INPP5E: variants seen among roughly 807,000 people sequenced by gnomAD.
INPP5E encodes inositol polyphosphate-5-phosphatase E.
In INPP5E, 34 loss-of-function variants were observed where a neutral mutation model predicts 50.5. The ratio of observed to expected loss-of-function variants is 0.67; its 90% CI spans 0.51 to 0.90. The LOEUF is 0.90. INPP5E is among the 40% of genes least tolerant of loss of function. INPP5E has a pLI of 0.00. For synonymous variants in INPP5E, 447 were observed against 406.0 expected, an observed-to-expected ratio of 1.10 and a Z score of -1.21; for missense variants, 942 against 905.5, an observed-to-expected ratio of 1.04 and a Z score of -0.52.
At chr9:136,435,634 G>A (rs11794124) in intron 1 of INPP5E, 17,084 of 152,226 alleles carry the variant, frequency 0.11, 1,174 homozygotes, top group Admixed American at 0.2. Context: ...GCACAGCAAC[G>A]TCCCTGCCCC....
chr9:136,432,809 G>A (rs761570973), intron 5 of INPP5E, 147 bp downstream of exon 5: 21 of 1,131,472 alleles, frequency 1.9e-5, no homozygotes, highest in East Asian at 5.1e-5. Flanking sequence ...GGTCCTTGGC[G>A]TGCATCTTAG....
rs1024318558 is a variant in INPP5E at position 136,433,381 on chromosome 9, C to G, written c.1035-102G>C. Reference sequence around the variant, plus strand: ...CCCTCGAGGAGCTACCAGGGAAACCCCACGACCTGGCCTTGGTGTCTTGCG... The same window carrying G: ...CCCTCGAGGAGCTACCAGGGAAACCGCACGACCTGGCCTTGGTGTCTTGCG... On this transcript the variant is annotated intron_variant, in intron 3 of 9. Coordinates refer to ENST00000371712, the MANE Select transcript of INPP5E (RefSeq NM_019892.6). 10 of 1,453,192 alleles carry G rather than the reference C, an allele frequency of 6.9e-6. No homozygotes were observed. The Admixed American group carries it at 1.1e-4, about 16-fold the overall frequency. The allele number at this position is 1,453,192 out of a possible 1,614,324, so 90.0% of individuals were successfully genotyped here. A position where few individuals can be genotyped will look rare whatever the true frequency, so the allele number is the denominator to read the frequency against.
Position 136,439,449 on chromosome 9 carries a change from G to C in INPP5E, c.-30C>G. 2.8e-6 allele frequency: 4 copies of C among 1,421,342 alleles called. No individual in the cohort carries two copies. The highest frequency in any genetic ancestry group is 3.7e-6 in the Non-Finnish European group (4 of 1,087,810). The allele number at this position is 1,421,342 out of a possible 1,614,324, so 88.0% of individuals were successfully genotyped here. On this transcript the variant is annotated 5_prime_UTR_variant, in exon 1 of 10. Transcript: ENST00000371712. ...GGTCTCTCCCGGGGCAGGCCTCGGCGCGAGGCCGCAGGCAGCGCGAGGGGT... is the reference window on the plus strand; with the variant it reads ...GGTCTCTCCCGGGGCAGGCCTCGGCCCGAGGCCGCAGGCAGCGCGAGGGGT...
rs140705002 is a variant in INPP5E at position 136,433,046 on chromosome 9, T to C, written c.1189A>G (p.Ile397Val). Residue 397 changes from isoleucine to valine, a missense_variant, in exon 5 of 10, where the codon ATC (isoleucine) becomes GTC (valine). Transcript: ENST00000371712. The stretch of plus-strand genomic sequence containing the variant: ...CCCTTGGTCTTGATCTGAGACACGA[T>C]GCGTGTGGTCACCGTGGAGCACTCC... ...EVECSTVTTR[I>V]VSQIKTKGAL... 59 of 1,613,078 alleles carry C rather than the reference T, an allele frequency of 3.7e-5. No homozygotes were observed. The highest frequency in any genetic ancestry group is 5.4e-5 in the African/African-American group (4 of 74,602).
At chr9:136,429,903 A>G (rs541784197) in intron 9 of INPP5E, 96 bp from the exon 10 acceptor site, 5 of 894,896 alleles carry the variant, frequency 5.6e-6, no homozygotes, top group Non-Finnish European at 7.3e-6. Context: ...ATTTAAGAGG[A>G]CACCCAGGGC....
chr9:136,432,625 G>A lies in INPP5E; in HGVS notation c.1280-39C>T, dbSNP rs779996749. On this transcript the variant is annotated intron_variant, in intron 5 of 9. Transcript: ENST00000371712. The stretch of plus-strand genomic sequence containing the variant: ...AATGGGGTAGGGACCACAGGGTTCC[G>A]GATGCTCGAGTCTCCCTAAAGCGCC... 32 of 1,320,562 alleles carry A rather than the reference G, an allele frequency of 2.4e-5. 1 individual carries two copies. The highest frequency in any genetic ancestry group is 4.4e-5 in the African/African-American group (3 of 68,810). The allele number at this position is 1,320,562 out of a possible 1,614,324, so 81.8% of individuals were successfully genotyped here.
chr9:136,435,283 C>A (rs971616621), intron 1 of INPP5E, among the ~76,000 whole-genome samples: 1 of 151,962 alleles, frequency 6.6e-6, no homozygotes. Context: ...AGAGACCACA[C>A]GAGCCACACG....
At chr9:136,431,211 A>ACCCCCCCCCCCCCCCCC in intron 7 of INPP5E, 94 bp from the exon 8 acceptor site, 2 of 351,960 alleles carry the variant, frequency 5.7e-6, no homozygotes, top group Non-Finnish European at 9.1e-6. Context: ...CACCACGCCC[A>ACCCCCCCCCCCCCCCCC]CCCTCCCCCC....
Position 136,429,494 on chromosome 9 carries a change from G to A in INPP5E, c.*181C>T. On this transcript the variant is annotated 3_prime_UTR_variant, in exon 10 of 10. Coordinates refer to ENST00000371712, the MANE Select transcript of INPP5E (RefSeq NM_019892.6). ...CAAGCCCTGCCCACCCACACCGTGT[G>A]GACCTGCCACAGAGGACAGGCTCGC... is the stretch of plus-strand genomic sequence containing the variant. 1 of 804,904 alleles carries A rather than the reference G, an allele frequency of 1.2e-6. No homozygotes were observed. Among genetic ancestry groups the A allele is most frequent in the South Asian group, 1.4e-5 (1 of 70,138 alleles). 49.9% of individuals were successfully genotyped at this position (804,904 alleles called of 1,614,324 possible).
At chr9:136,434,191 G>A in intron 2 of INPP5E, 57 bp from the exon 3 acceptor site, 2 of 1,233,580 alleles carry the variant, frequency 1.6e-6, no homozygotes, top group Non-Finnish European at 1.2e-6. Flanking sequence ...AGGCGCCTGT[G>A]GGTGAATCCC....
At chr9:136,429,928 G>C (rs1487336792) in intron 9 of INPP5E, 121 bp from the exon 10 acceptor site, 1 of 778,734 alleles carries the variant, frequency 1.3e-6, no homozygotes, top group Non-Finnish European at 2.2e-6. Flanking sequence ...ATGAGGGGCT[G>C]TTAGGTGGGC....
chr9:136,438,309 A>C, intron 1 of INPP5E: 1 of 531,990 alleles, frequency 1.9e-6, no homozygotes, highest in South Asian at 2.2e-5. Flanking sequence ...TACATTGACG[A>C]CATTTCCCAA....
Position 136,438,976 on chromosome 9 carries a change from G to T in INPP5E, c.444C>A (p.Ser148Arg). 1.3e-6 allele frequency: 2 copies of T among 1,580,862 alleles called. No individual in the cohort carries two copies. Among genetic ancestry groups the T allele is most frequent in the Non-Finnish European group, 1.7e-6 (2 of 1,163,902 alleles). Residue 148 changes from serine (S) to arginine (R), a missense_variant, in exon 1 of 10, where the codon AGC becomes AGA. Transcript: ENST00000371712. Reference sequence around the variant, plus strand: ...CCGAGGACGGGCTCCCTCTCTCACTGCTCAGGACCCCGCGGGACTTGGGGA... The same window carrying T: ...CCGAGGACGGGCTCCCTCTCTCACTTCTCAGGACCCCGCGGGACTTGGGGA... The part of the protein sequence containing the change: ...QEIPKSRGVL[S>R]SERGSPSSGG...
At position 136,429,347 on chromosome 9, in the gene INPP5E, A is replaced by G. The variant is rs35763810; in HGVS notation, c.*328T>C. ...GGCTCTGTGACTGCCCCCAGGGCAC[A>G]GGAGCTGCTCAGGAACGGATTCTGA... On this transcript the variant is annotated 3_prime_UTR_variant, in exon 10 of 10. Coordinates refer to ENST00000371712, the MANE Select transcript of INPP5E (RefSeq NM_019892.6). 184,172 of 437,152 alleles carry G rather than the reference A, an allele frequency of 0.42. 40,394 individuals are homozygous for G. Among genetic ancestry groups the G allele is most frequent in the Admixed American group, 0.54 (15,637 of 28,818 alleles). The allele number at this position is 437,152 out of a possible 1,614,324, so 27.1% of individuals were successfully genotyped here.
rs1188155907 is a variant in INPP5E, at chr9:136,438,928, C to T, written c.492G>A (p.Val164=). The part of the protein sequence containing the change: ...PSSGGNPLSG[V]ASSSPNLPHR... ...GCGGGAGGTTCGGGGAGCTGCTGGC[C>T]ACCCCAGAGAGAGGGTTACCCCCCG... The change falls in exon 1 of 10, where the codon GTG becomes GTA. Residue 164 remains valine, a synonymous_variant. Transcript: ENST00000371712. The T allele has an allele frequency of 6.4e-7, 1 of 1,570,994 alleles. No homozygotes were observed. The highest frequency in any genetic ancestry group is 1.2e-5 in the South Asian group (1 of 86,616).
chr9:136,433,121 T>TTCCAGCCGCGCCCACACC, intron 4 of INPP5E, 34 bp downstream of exon 4: 1 of 1,357,472 alleles, frequency 7.4e-7, no homozygotes, highest in Non-Finnish European at 1.0e-6. Flanking sequence ...CGCTGCCACC[T>TTCCAGCCGCGCCCACACC]TCCAGCCGCG....
rs370876407 is a variant in INPP5E, at chr9:136,431,872, C to G, written c.1501G>C (p.Val501Leu). 7.5e-6 allele frequency: 12 copies of G among 1,610,246 alleles called. No individual in the cohort carries two copies. In the East Asian group the frequency reaches 1.8e-4, roughly 24 times the overall value. The part of the protein sequence containing the change: ...ALLCQGLVVD[V>L]PALLQHDQLI... ...TGGTCGTGCTGCAGCAGCGCCGGCACGTCCACCACCAGGCCCTGGCACAGG... is the reference window on the plus strand; with the variant it reads ...TGGTCGTGCTGCAGCAGCGCCGGCAGGTCCACCACCAGGCCCTGGCACAGG... Residue 501 changes from valine (V) to leucine (L), a missense_variant, in exon 7 of 10, where the codon GTG (valine) becomes CTG (leucine). Coordinates refer to ENST00000371712, the MANE Select transcript of INPP5E (RefSeq NM_019892.6).
Position 136,439,454 on chromosome 9 carries a change from G to A in INPP5E, c.-35C>T, listed in dbSNP as rs934510946. 5.0e-6 allele frequency: 7 copies of A among 1,411,336 alleles called. No homozygotes were observed. The African/African-American group carries it at 9.0e-5, about 18-fold the overall frequency. 87.4% of individuals were successfully genotyped at this position (1,411,336 alleles called of 1,614,324 possible). A position where few individuals can be genotyped will look rare whatever the true frequency, so the allele number is the denominator to read the frequency against. On this transcript the variant is annotated 5_prime_UTR_variant, in exon 1 of 10. Coordinates refer to ENST00000371712, the MANE Select transcript of INPP5E (RefSeq NM_019892.6). ...CTCCCGGGGCAGGCCTCGGCGCGAG[G>A]CCGCAGGCAGCGCGAGGGGTCACGG... is the stretch of plus-strand genomic sequence containing the variant.
At chr9:136,432,724 G>C in intron 5 of INPP5E, 138 bp from the exon 6 acceptor site, 1 of 900,114 alleles carries the variant, frequency 1.1e-6, no homozygotes, top group Non-Finnish European at 1.8e-6. Context: ...GCCGGGCCCA[G>C]CCAGTGACAT....
Sources: gnomAD v4.1 joint callset for allele counts (sites outside exome capture counted in the v4.1 genomes callset) on GRCh38, gnomAD v4.1.1 for gene constraint, MANE v1.5 for transcripts, NCBI Gene and HGNC (gene_info 2026-07-23, HGNC 2026-07-21) for gene names.